The following RUFY3 variants were observed in gnomAD, a reference collection of about 807,000 sequenced individuals.
The protein encoded by RUFY3 is RUN and FYVE domain containing 3.
Under a neutral mutation model 84.0 loss-of-function variants are expected in RUFY3, and 34 were observed. The ratio of observed to expected loss-of-function variants is 0.40; its 90% confidence interval spans 0.31 to 0.54. RUFY3 has a LOEUF of 0.54. Ranked by LOEUF, RUFY3 falls within the 20% of genes least tolerant of loss-of-function variation. RUFY3 has a pLI of 0.39. For synonymous variants in RUFY3, 242 were observed against 252.9 expected, an observed-to-expected ratio of 0.96 and a Z score of 0.41; for missense variants, 507 against 736.8, an observed-to-expected ratio of 0.69 and a Z score of 3.61.
chr4:70,745,456 A>G (rs1049889154), intron 1 of RUFY3, among the ~76,000 whole-genome samples: 3 of 152,216 alleles, frequency 2.0e-5, no homozygotes, highest in African/African-American at 7.2e-5. Context: ...AATGAAAGGC[A>G]CATAGCTTAT....
At position 70,803,003 on chromosome 4, in the gene RUFY3, C is replaced by G. The variant is rs1164856041; in HGVS notation, c.1650+20C>G. On this transcript the variant is annotated intron_variant, in intron 16 of 17. Transcript: ENST00000381006. Reference sequence around the variant, plus strand: ...GAACAGGTAACAGAGCCTCCTGTTTCAAAACATCTTGTATGAATTATGAAG... The same window carrying G: ...GAACAGGTAACAGAGCCTCCTGTTTGAAAACATCTTGTATGAATTATGAAG... 3 of 1,595,364 alleles carry G rather than the reference C, an allele frequency of 1.9e-6. No individual in the cohort carries two copies. Among genetic ancestry groups the G allele is most frequent in the Admixed American group, 1.7e-5 (1 of 58,332 alleles).
intron 3 of RUFY3, among the ~76,000 whole-genome samples, chr4:70,763,994 G>A (rs992724417): frequency 2.6e-5 from 4 of 152,138 alleles, no homozygotes; most frequent in Non-Finnish European, 5.9e-5. Flanking sequence ...TATTCAGTGG[G>A]TTTGAGAGTC....
intron 1 of RUFY3, among the ~76,000 whole-genome samples, chr4:70,742,585 A>G (rs1024159422): frequency 1.3e-5 from 2 of 152,134 alleles, no homozygotes; most frequent in Non-Finnish European, 2.9e-5. Context: ...TCTTTTCTCC[A>G]TTCACTTGCT....
intron 15 of RUFY3, among the ~76,000 whole-genome samples, chr4:70,800,407 A>C (rs1487634083): frequency 6.6e-6 from 1 of 152,222 alleles, no homozygotes; most frequent in Non-Finnish European, 1.5e-5. Flanking sequence ...TTTCAGAGGA[A>C]AGAAGGATGA....
chr4:70,722,334 T>G lies in RUFY3; in HGVS notation c.-240T>G. ...GAAGACAAGCATCATCTTATTTTGC[T>G]ATGTGGTAGGAACTGTCTATAAGAT... On this transcript the variant is annotated 5_prime_UTR_variant, in exon 1 of 18. Coordinates refer to ENST00000381006, the MANE Select transcript of RUFY3 (RefSeq NM_001037442.4). The G allele has an allele frequency of 8.1e-7, 1 of 1,235,118 alleles. No homozygotes were observed. Among genetic ancestry groups the G allele is most frequent in the Non-Finnish European group, 1.0e-6 (1 of 990,136 alleles). 76.5% of individuals were successfully genotyped at this position (1,235,118 alleles called of 1,614,324 possible). A position where few individuals can be genotyped will look rare whatever the true frequency, so the allele number is the denominator to read the frequency against.
At chr4:70,780,383 C>T (rs1226434927) in intron 8 of RUFY3, among the ~76,000 whole-genome samples, 1 of 152,152 alleles carries the variant, frequency 6.6e-6, no homozygotes, top group African/African-American at 2.4e-5. Flanking sequence ...TTAACCTCCA[C>T]CTCCCGGTTC....
chr4:70,773,378 T>C, intron 5 of RUFY3, 133 bp from the exon 6 acceptor site: 1 of 625,748 alleles, frequency 1.6e-6, no homozygotes, highest in Admixed American at 2.8e-5. Context: ...AGTAAAACAG[T>C]ACATTTTTAA....
At chr4:70,752,067 T>G (rs533845366) in intron 1 of RUFY3, among the ~76,000 whole-genome samples, 37 of 152,294 alleles carry the variant, frequency 2.4e-4, no homozygotes, top group African/African-American at 8.4e-4. Flanking sequence ...AGACGTGAGA[T>G]ACCGCGCCCA....
At chr4:70,731,468 A>G (rs539243924) in intron 1 of RUFY3, among the ~76,000 whole-genome samples, 2 of 152,374 alleles carry the variant, frequency 1.3e-5, no homozygotes, top group East Asian at 3.8e-4. Context: ...AACAGCAAAA[A>G]TAGTACACTG....
intron 13 of RUFY3, 138 bp downstream of exon 13, chr4:70,794,042 A>G: frequency 1.1e-6 from 1 of 921,440 alleles, no homozygotes. Context: ...GGAATTCAGA[A>G]AGCTTCACGT....
At chr4:70,768,718 G>T (rs1726418448) in intron 5 of RUFY3, 57 bp downstream of exon 5, 2 of 1,579,610 alleles carry the variant, frequency 1.3e-6, no homozygotes, top group Non-Finnish European at 1.7e-6. Context: ...TATCTCAGAA[G>T]TGGATTTGAT....
intron 1 of RUFY3, 76 bp from the exon 2 acceptor site, chr4:70,762,443 G>T (rs1725195056): frequency 7.5e-7 from 1 of 1,340,110 alleles, no homozygotes; most frequent in African/African-American, 1.5e-5. Context: ...TGGTGGAGAA[G>T]AATACAACTA....
chr4:70,801,360 G>T (rs1451662924), intron 15 of RUFY3, among the ~76,000 whole-genome samples: 1 of 152,042 alleles, frequency 6.6e-6, no homozygotes, highest in Non-Finnish European at 1.5e-5. Context: ...TAGACTCTGG[G>T]TGATGATGTT....
chr4:70,730,488 C>T (rs1042478225), intron 1 of RUFY3, among the ~76,000 whole-genome samples: 14 of 151,026 alleles, frequency 9.3e-5, no homozygotes, highest in African/African-American at 3.4e-4. Context: ...CTTGTAATCC[C>T]AGCACTTTGG....
chr4:70,733,017 A>G (rs1400530589), intron 1 of RUFY3, among the ~76,000 whole-genome samples: 1 of 151,266 alleles, frequency 6.6e-6, no homozygotes, highest in East Asian at 1.9e-4. Flanking sequence ...CAGTGAGCCA[A>G]GATCGCGCCA....
At chr4:70,717,190 C>T (rs750571482), upstream of RUFY3, among the ~76,000 whole-genome samples, 16 of 152,126 alleles carry the variant, frequency 1.1e-4, no homozygotes, top group Non-Finnish European at 2.2e-4. Context: ...TTTTAAAAAG[C>T]GTACAATGCA....
intron 1 of RUFY3, among the ~76,000 whole-genome samples, chr4:70,732,863 C>G (rs1319148689): frequency 3.3e-5 from 5 of 151,814 alleles, no homozygotes; most frequent in Non-Finnish European, 7.4e-5. Flanking sequence ...ACCTATGTAA[C>G]AAACCTGCAC....
At chr4:70,792,522 T>C in intron 12 of RUFY3, 1 of 985,324 alleles carries the variant, frequency 1.0e-6, no homozygotes, top group Non-Finnish European at 1.2e-6. Flanking sequence ...TTTAAGATGA[T>C]TTTTGATTTG....
chr4:70,745,036 C>T (rs1721973461), intron 1 of RUFY3, among the ~76,000 whole-genome samples: 1 of 151,748 alleles, frequency 6.6e-6, no homozygotes, highest in African/African-American at 2.4e-5. Flanking sequence ...CTCACTGCAG[C>T]CTCTGCTAGT....
Sources: allele counts gnomAD v4.1 joint callset (sites outside exome capture counted in the v4.1 genomes callset), GRCh38; gene constraint gnomAD v4.1.1; transcripts MANE v1.5; gene names NCBI Gene and HGNC (gene_info 2026-07-23, HGNC 2026-07-21).